NAV2: variants seen among roughly 807,000 people sequenced by gnomAD.
NAV2 encodes the protein neuron navigator 2.
Under a neutral mutation model 223.2 loss-of-function variants are expected in NAV2, and 54 were observed. That is an observed-to-expected ratio of 0.24 (90% confidence interval 0.19 to 0.30). The LOEUF (loss-of-function observed/expected upper bound fraction) is 0.30, where lower values mean the gene tolerates loss of function less well. Ranked by LOEUF, NAV2 falls within the 10% of genes least tolerant of loss-of-function variation. The pLI is 1.00. For synonymous variants in NAV2, 1,279 were observed against 1,239.3 expected (o/e 1.03, Z -0.67); for missense variants, 2,806 against 3,147.5 (o/e 0.89, Z 2.60).
chr11:19,641,338 C>T (rs35095443), intron 1 of NAV2, among the ~76,000 whole-genome samples: 2 of 152,040 alleles, frequency 1.3e-5, no homozygotes, highest in South Asian at 2.1e-4. Context: ...AATAAGTCTT[C>T]AACCTATCCA....
chr11:20,086,040 G>A (rs1488011302), intron 26 of NAV2, among the ~76,000 whole-genome samples: 1 of 152,242 alleles, frequency 6.6e-6, no homozygotes, highest in African/African-American at 2.4e-5. Flanking sequence ...GGTTCGATAT[G>A]TCTGAAAGAG....
At chr11:20,027,751 C>T (rs975357776) in intron 11 of NAV2, 6 of 152,198 alleles carry the variant, frequency 3.9e-5, no homozygotes, top group Admixed American at 3.9e-4. Context: ...TTTTTTACAG[C>T]ATCGTTTAGC....
At chr11:19,705,882 C>T (rs146465851) in intron 1 of NAV2, among the ~76,000 whole-genome samples, 2 of 152,148 alleles carry the variant, frequency 1.3e-5, no homozygotes, top group Admixed American at 6.5e-5. Context: ...CATATTGAAC[C>T]GCTCCCAGGA....
chr11:19,939,042 T>C (rs2046174892), intron 7 of NAV2, among the ~76,000 whole-genome samples: 1 of 152,226 alleles, frequency 6.6e-6, no homozygotes, highest in African/African-American at 2.4e-5. Flanking sequence ...TTCAATTTGC[T>C]TGACAAATAA....
intron 1 of NAV2, among the ~76,000 whole-genome samples, chr11:19,492,640 G>A (rs1208260996): frequency 1.3e-5 from 2 of 152,084 alleles, no homozygotes; most frequent in Non-Finnish European, 2.9e-5. Context: ...ATAAACATTT[G>A]TCTATTTAAA....
chr11:19,915,314 GA>G (rs1437391989), intron 6 of NAV2, among the ~76,000 whole-genome samples: 1 of 152,218 alleles, frequency 6.6e-6, no homozygotes, highest in Admixed American at 6.5e-5. Context: ...GTGTTGAGAA[GA>G]GGGAAATTGT....
At chr11:19,984,299 G>T (rs764442750) in intron 11 of NAV2, 52 bp downstream of exon 11, 32 of 1,611,540 alleles carry the variant, frequency 2.0e-5, no homozygotes, top group East Asian at 6.7e-5. Context: ...TCCCAGGGGG[G>T]CCCTGAGAAA....
At chr11:19,482,697 G>A (rs571150447) in intron 1 of NAV2, among the ~76,000 whole-genome samples, 16 of 152,322 alleles carry the variant, frequency 1.1e-4, no homozygotes, top group African/African-American at 3.8e-4. Flanking sequence ...TCTGGAGCTG[G>A]TCGGATGGGC....
chr11:19,773,327 G>A (rs930952698), intron 1 of NAV2, among the ~76,000 whole-genome samples: 3 of 152,212 alleles, frequency 2.0e-5, no homozygotes, highest in Non-Finnish European at 2.9e-5. Context: ...GGCAGATCCA[G>A]ACTCTGAGGG....
chr11:20,039,411 C>A (rs2056701511), intron 12 of NAV2, among the ~76,000 whole-genome samples: 1 of 152,074 alleles, frequency 6.6e-6, no homozygotes, highest in African/African-American at 2.4e-5. Context: ...TCCTTCCCTC[C>A]ATTTCTCTTA....
intron 1 of NAV2, among the ~76,000 whole-genome samples, chr11:19,698,148 C>G (rs542649867): frequency 2.0e-5 from 3 of 152,324 alleles, no homozygotes; most frequent in Admixed American, 2.0e-4. Context: ...GTAATCGTTA[C>G]ACACATGAGC....
chr11:20,007,002 G>C (rs2053141206), intron 11 of NAV2, among the ~76,000 whole-genome samples: 1 of 151,776 alleles, frequency 6.6e-6, no homozygotes, highest in African/African-American at 2.4e-5. Context: ...TGTCACCCAG[G>C]CTGGAGTACA....
At chr11:20,000,602 T>C (rs2052446785) in intron 11 of NAV2, among the ~76,000 whole-genome samples, 1 of 152,066 alleles carries the variant, frequency 6.6e-6, no homozygotes, top group South Asian at 2.1e-4. Flanking sequence ...CTTAATGATC[T>C]GGAATAAAGG....
At chr11:19,422,221 T>G (rs1404791617) in intron 1 of NAV2, among the ~76,000 whole-genome samples, 1 of 152,156 alleles carries the variant, frequency 6.6e-6, no homozygotes, top group Non-Finnish European at 1.5e-5. Flanking sequence ...AGTGACACAG[T>G]GCCAGTCTGG....
intron 15 of NAV2, 96 bp downstream of exon 15, chr11:20,049,291 C>A (rs747362980): frequency 2.1e-6 from 2 of 939,586 alleles, no homozygotes; most frequent in Non-Finnish European, 3.2e-6. Context: ...TAGCCTTTGC[C>A]TGTAAGATTT....
At chr11:19,385,213 T>A (rs1848988903) in intron 1 of NAV2, among the ~76,000 whole-genome samples, 1 of 152,214 alleles carries the variant, frequency 6.6e-6, no homozygotes, top group African/African-American at 2.4e-5. Context: ...GCAAATGGGA[T>A]CTCAGTTCAG....
chr11:19,835,753 A>G lies in NAV2; in HGVS notation c.385+3152A>G, dbSNP rs564176063. Among the ~76,000 whole-genome samples the G allele has an allele frequency of 2.0e-5, 3 of 151,304 alleles. No individual in the cohort carries two copies. In the South Asian group the frequency reaches 6.2e-4, roughly 31 times the overall value. On this transcript the variant is annotated intron_variant, in intron 2 of 37. Coordinates refer to ENST00000349880, the MANE Select transcript of NAV2 (RefSeq NM_145117.5). ...AAATTTTCTACATAAAATTTTATAT[A>G]TATCTACATAAAATTTTCTACATAA...
rs984875575 is a variant in NAV2 at position 20,120,214 on chromosome 11, A to G, written c.*1956A>G. On this transcript the variant is annotated 3_prime_UTR_variant, in exon 38 of 38. Coordinates refer to ENST00000349880, the MANE Select transcript of NAV2 (RefSeq NM_145117.5). The stretch of plus-strand genomic sequence containing the variant: ...TGCTCACTTCACATTGGATGACACC[A>G]TGTTCTTCCTCTTTGAAAAGAAAAG... 9 of 152,136 alleles carry G rather than the reference A, an allele frequency of 5.9e-5. No individual in the cohort carries two copies. The highest frequency in any genetic ancestry group is 1.7e-4 in the African/African-American group (7 of 41,424). The allele number at this position is 152,136 out of a possible 1,614,324, so 9.4% of individuals were successfully genotyped here.
Position 19,933,188 on chromosome 11 carries a change from GT to G in NAV2, c.946del (p.Ser316GlnfsTer8). ...TCTGTCTCTGCAGAGCCTTTGGCAA[GT>G]TCAGCCTCCTCCCACCCCGGAATGA... ...PSSHEKEPLA[S>X]SASSHPGMSD... On this transcript the variant is annotated frameshift_variant, in exon 7 of 38. Coordinates refer to ENST00000349880, the MANE Select transcript of NAV2 (RefSeq NM_145117.5). LOFTEE classifies it high-confidence loss of function. This position sits in a 1 kb window ranked among gnomAD's most constrained non-coding sequence, Gnocchi z 4.3. 1.3e-6 allele frequency: 2 copies of G among 1,534,942 alleles called. No homozygotes were observed. The highest frequency in any genetic ancestry group is 1.8e-6 in the Non-Finnish European group (2 of 1,139,306).
Sources: gnomAD v4.1 joint callset for allele counts (sites outside exome capture counted in the v4.1 genomes callset) on GRCh38, gnomAD v4.1.1 for gene constraint, Gnocchi (gnomAD v3.1) non-coding constraint, MANE v1.5 for transcripts, NCBI Gene and HGNC (gene_info 2026-07-23, HGNC 2026-07-21) for gene names.